Variants in CNTN5 observed in about 807,000 individuals in gnomAD.
CNTN5 encodes contactin 5.
CNTN5 carries 77 observed loss-of-function variants against 129.1 expected under a neutral mutation model. That is an observed-to-expected ratio of 0.60 (90% CI 0.50 to 0.72). CNTN5 has a LOEUF of 0.72. Among genes scored for constraint, CNTN5 ranks in the 30% least tolerant of loss-of-function variants. CNTN5 has a pLI of 0.00. For synonymous variants in CNTN5, 509 were observed against 465.6 expected (o/e 1.09, Z -1.20); for missense variants, 1,478 against 1,328.8 (o/e 1.11, Z -1.75).
intron 3 of CNTN5, among the ~76,000 whole-genome samples, chr11:99,630,111 T>C (rs1269367903): frequency 6.6e-6 from 1 of 151,910 alleles, no homozygotes; most frequent in African/African-American, 2.4e-5. Context: ...AGGTATATAA[T>C]TAAATAAATT....
intron 2 of CNTN5, among the ~76,000 whole-genome samples, chr11:99,493,053 GA>G (rs1354417709): frequency 6.6e-6 from 1 of 152,152 alleles, no homozygotes; most frequent in Non-Finnish European, 1.5e-5. Flanking sequence ...GAGACTGTTT[GA>G]AAGACCTTCC....
At chr11:99,240,608 A>G (rs1189174107) in intron 1 of CNTN5, among the ~76,000 whole-genome samples, 1 of 151,746 alleles carries the variant, frequency 6.6e-6, no homozygotes, top group Non-Finnish European at 1.5e-5. Context: ...TATGAAAAAA[A>G]TTTCTGGGGT....
intron 3 of CNTN5, among the ~76,000 whole-genome samples, chr11:99,701,772 T>G (rs1565441201): frequency 6.6e-6 from 1 of 151,150 alleles, no homozygotes; most frequent in Non-Finnish European, 1.5e-5. Flanking sequence ...TTAGAATTGT[T>G]CTCTGACTAT....
intron 1 of CNTN5, among the ~76,000 whole-genome samples, chr11:99,095,855 T>C (rs1293122430): frequency 2.6e-5 from 4 of 151,914 alleles, no homozygotes; most frequent in African/African-American, 9.7e-5. Context: ...ATAACTTACA[T>C]TGAGAGACAT....
intron 1 of CNTN5, among the ~76,000 whole-genome samples, chr11:99,125,118 G>C (rs187012421): frequency 1.1e-4 from 17 of 152,082 alleles, no homozygotes; most frequent in African/African-American, 3.9e-4. Context: ...CATTCTGTGT[G>C]GCCAACATTA....
At chr11:100,104,625 A>G (rs546320316) in intron 13 of CNTN5, among the ~76,000 whole-genome samples, 1 of 152,170 alleles carries the variant, frequency 6.6e-6, no homozygotes, top group Non-Finnish European at 1.5e-5. Context: ...TTAACTTTAC[A>G]TGGGTTATAT....
chr11:99,720,879 A>T (rs1437365043), intron 3 of CNTN5, among the ~76,000 whole-genome samples: 1 of 152,200 alleles, frequency 6.6e-6, no homozygotes, highest in Admixed American at 6.5e-5. Flanking sequence ...AGGGCATATC[A>T]GAGAAGCAAT....
chr11:100,334,461 C>T (rs575117399), intron 21 of CNTN5, among the ~76,000 whole-genome samples: 10 of 152,084 alleles, frequency 6.6e-5, no homozygotes, highest in South Asian at 6.2e-4. Flanking sequence ...AGTCGTTATA[C>T]GAAAAAGATA....
chr11:99,936,504 T>TC (rs397765050), intron 7 of CNTN5, among the ~76,000 whole-genome samples: 1 of 151,992 alleles, frequency 6.6e-6, no homozygotes, highest in Non-Finnish European at 1.5e-5. Context: ...AGTCTTTTTT[T>TC]TGAACAAGAT....
At chr11:99,856,624 T>TG (rs78699562) in intron 6 of CNTN5, among the ~76,000 whole-genome samples, 6 of 352 alleles carry the variant, frequency 0.017, no homozygotes, top group African/African-American at 0.057. Flanking sequence ...GAAGACTAAA[T>TG]ATTTGAGAAC....
At chr11:99,486,451 A>G (rs891726520) in intron 2 of CNTN5, among the ~76,000 whole-genome samples, 1 of 151,956 alleles carries the variant, frequency 6.6e-6, no homozygotes, top group Non-Finnish European at 1.5e-5. Context: ...GATAATAGTC[A>G]GTATATTATT....
Position 100,002,047 on chromosome 11 carries a change from A to G in CNTN5, c.891A>G (p.Glu297=), listed in dbSNP as rs1344143328. Residue 297 remains glutamate (E), a synonymous_variant, in exon 9 of 25, where the codon GAA becomes GAG. Transcript: ENST00000524871. ...TTTCTTTCTAAGGTGTGATGGGAGA[A>G]TATGAGCCGAAAATTGAGGTCCATT... is the stretch of plus-strand genomic sequence containing the variant. The part of the protein sequence containing the change: ...LTLRNDGVMG[E]YEPKIEVHFP... 6.3e-7 allele frequency: 1 copy of G among 1,594,650 alleles called. No individual in the cohort carries two copies.
At chr11:100,096,298 G>A (rs557383439) in intron 13 of CNTN5, among the ~76,000 whole-genome samples, 28 of 152,152 alleles carry the variant, frequency 1.8e-4, no homozygotes, top group Non-Finnish European at 3.4e-4. Flanking sequence ...GGAGGATAAT[G>A]ACACCTATTT....
chr11:99,517,852 A>G (rs1460045342), intron 2 of CNTN5, among the ~76,000 whole-genome samples: 1 of 152,120 alleles, frequency 6.6e-6, no homozygotes, highest in Non-Finnish European at 1.5e-5. Flanking sequence ...GTCTGGGATT[A>G]AGTTTAGGGT....
intron 1 of CNTN5, among the ~76,000 whole-genome samples, chr11:99,035,465 G>A (rs1004320799): frequency 3.3e-5 from 5 of 151,854 alleles, no homozygotes; most frequent in Non-Finnish European, 7.4e-5. Flanking sequence ...TGTATTGGGT[G>A]CATATATATT....
chr11:99,317,335 T>A (rs1205470842), intron 1 of CNTN5, among the ~76,000 whole-genome samples: 2 of 152,084 alleles, frequency 1.3e-5, no homozygotes, highest in African/African-American at 2.4e-5. Flanking sequence ...TAGGAGAAAA[T>A]TTCTAGTTAT....
chr11:99,239,853 C>T (rs976808427), intron 1 of CNTN5, among the ~76,000 whole-genome samples: 11 of 148,578 alleles, frequency 7.4e-5, no homozygotes, highest in Non-Finnish European at 1.2e-4. Context: ...AGGAGAATGG[C>T]GGGAACCCGG....
At chr11:99,067,690 A>G (rs1487349509) in intron 1 of CNTN5, among the ~76,000 whole-genome samples, 2 of 152,190 alleles carry the variant, frequency 1.3e-5, no homozygotes, top group Non-Finnish European at 2.9e-5. Flanking sequence ...TTAATTTCAA[A>G]AGTTCAATTT....
chr11:99,236,689 G>T (rs1263188868), intron 1 of CNTN5, among the ~76,000 whole-genome samples: 2 of 152,236 alleles, frequency 1.3e-5, no homozygotes, highest in Non-Finnish European at 2.9e-5. Context: ...GCAGAATGTT[G>T]TTCTGATAAG....
Sources: allele counts gnomAD v4.1 joint callset (sites outside exome capture counted in the v4.1 genomes callset), GRCh38; gene constraint gnomAD v4.1.1; transcripts MANE v1.5; gene names NCBI Gene and HGNC (gene_info 2026-07-23, HGNC 2026-07-21).